The following SLC5A8 variants were observed in gnomAD, a reference collection of about 807,000 sequenced individuals.
SLC5A8 encodes solute carrier family 5 member 8.
Under a neutral mutation model 71.9 loss-of-function variants are expected in SLC5A8, and 55 were observed. The ratio of observed to expected loss-of-function variants is 0.77; its 90% CI spans 0.62 to 0.96. The LOEUF is 0.96. SLC5A8 is among the 40% of genes least tolerant of loss of function. SLC5A8 has a pLI of 0.00. For missense variants in SLC5A8, 701 were observed against 745.3 expected (o/e 0.94, Z 0.69); for synonymous variants, 307 against 276.1 (o/e 1.11, Z -1.11).
chr12:101,155,644 GC>G lies in SLC5A8; in HGVS notation c.*1634del, dbSNP rs2051652633. The G allele has an allele frequency of 1.3e-5, 2 of 151,502 alleles. No homozygotes were observed. The highest frequency in any genetic ancestry group is 2.9e-5 in the Non-Finnish European group (2 of 67,904). The allele number at this position is 151,502 out of a possible 1,614,324, so 9.4% of individuals were successfully genotyped here. A position where few individuals can be genotyped will look rare whatever the true frequency, so the allele number is the denominator to read the frequency against. On this transcript the variant is annotated 3_prime_UTR_variant, in exon 15 of 15. Transcript: ENST00000536262. ...TGGGACTACAAGTATGTGGCAACAT[GC>G]CTAGCTAAGTTTTTTTTATTTTTAT...
At chr12:101,195,066 G>A (rs769199200) in intron 4 of SLC5A8, 29 bp downstream of exon 4, 1 of 1,611,946 alleles carries the variant, frequency 6.2e-7, no homozygotes, top group Non-Finnish European at 8.5e-7. Flanking sequence ...AGTGGGTAGA[G>A]TGAAAAGGGA....
rs2051660529 is a variant in SLC5A8 at position 101,156,245 on chromosome 12, A to T, written c.*1034T>A. The stretch of plus-strand genomic sequence containing the variant: ...GGCATATGTATCTTTAATTGATTGC[A>T]AATTAGTTGACATTCAAAAGTTCAA... On this transcript the variant is annotated 3_prime_UTR_variant, in exon 15 of 15. Coordinates refer to ENST00000536262, the MANE Select transcript of SLC5A8 (RefSeq NM_145913.5). 1 of 152,238 alleles carries T rather than the reference A, an allele frequency of 6.6e-6. No individual in the cohort carries two copies. The highest frequency in any genetic ancestry group is 1.5e-5 in the Non-Finnish European group (1 of 68,044). 9.4% of individuals were successfully genotyped at this position (152,238 alleles called of 1,614,324 possible). A position where few individuals can be genotyped will look rare whatever the true frequency, so the allele number is the denominator to read the frequency against.
intron 2 of SLC5A8, 33 bp from the exon 3 acceptor site, chr12:101,202,248 A>G: frequency 3.3e-6 from 5 of 1,501,520 alleles, no homozygotes; most frequent in Non-Finnish European, 4.5e-6. Context: ...AATGAATTAT[A>G]TGAATTATAA....
At chr12:101,164,054 A>G (rs1488446313) in intron 12 of SLC5A8, among the ~76,000 whole-genome samples, 1 of 152,252 alleles carries the variant, frequency 6.6e-6, no homozygotes, top group Non-Finnish European at 1.5e-5. Context: ...TGCAGGGTAG[A>G]CAAGGATTTC....
At chr12:101,205,020 T>G (rs565397536) in intron 1 of SLC5A8, among the ~76,000 whole-genome samples, 1 of 152,346 alleles carries the variant, frequency 6.6e-6, no homozygotes, top group East Asian at 1.9e-4. Context: ...TTTTCTTGGC[T>G]CACCTGGGGC....
rs1324279054 is a variant in SLC5A8 at position 101,156,123 on chromosome 12, A to T, written c.*1156T>A. 1 of 152,148 alleles carries T rather than the reference A, an allele frequency of 6.6e-6. No homozygotes were observed. Among genetic ancestry groups the T allele is most frequent in the Non-Finnish European group, 1.5e-5 (1 of 68,022 alleles). 9.4% of individuals were successfully genotyped at this position (152,148 alleles called of 1,614,324 possible). A position where few individuals can be genotyped will look rare whatever the true frequency, so the allele number is the denominator to read the frequency against. On this transcript the variant is annotated 3_prime_UTR_variant, in exon 15 of 15. Coordinates refer to ENST00000536262, the MANE Select transcript of SLC5A8 (RefSeq NM_145913.5). ...TTAAAAATTTTAAAACATGGAACAA[A>T]GCATTTTTTGAGTCCAGACGTTTTA...
chr12:101,209,792 C>A lies in SLC5A8; in HGVS notation c.57G>T (p.Ala19=). Reference sequence around the variant, plus strand: ...TGGCGGCCGAGATGACCAGCATGCCCGCGAACACCACGTAGTCCCACACCA... The same window carrying A: ...TGGCGGCCGAGATGACCAGCATGCCAGCGAACACCACGTAGTCCCACACCA... ...TFVVWDYVVF[A]GMLVISAAIG... Residue 19 remains alanine, a synonymous_variant, in exon 1 of 15, where the codon GCG becomes GCT. Transcript: ENST00000536262. 1 of 1,605,678 alleles carries A rather than the reference C, an allele frequency of 6.2e-7. No homozygotes were observed. Among genetic ancestry groups the A allele is most frequent in the Non-Finnish European group, 8.5e-7 (1 of 1,175,716 alleles).
At position 101,209,738 on chromosome 12, in the gene SLC5A8, G is replaced by T. The variant is rs141426258; in HGVS notation, c.111C>A (p.Gly37=). 332 of 1,612,532 alleles carry T rather than the reference G, an allele frequency of 2.1e-4. No individual in the cohort carries two copies. In the African/African-American group the frequency reaches 3.4e-3, roughly 17 times the overall value. Residue 37 remains glycine (G), a synonymous_variant, in exon 1 of 15, where the codon GGC becomes GGA. Transcript: ENST00000536262. Reference sequence around the variant, plus strand: ...GGAAGTCCTTGGAGGTCTGCTGGCCGCCCCCAGCGAAGGCGTAGTAGATGC... The same window carrying T: ...GGAAGTCCTTGGAGGTCTGCTGGCCTCCCCCAGCGAAGGCGTAGTAGATGC... ...AIGIYYAFAG[G]GQQTSKDFLM...
At chr12:101,169,073 T>C (rs1593364828) in intron 10 of SLC5A8, among the ~76,000 whole-genome samples, 1 of 152,148 alleles carries the variant, frequency 6.6e-6, no homozygotes, top group African/African-American at 2.4e-5. Flanking sequence ...GGAGAACTAG[T>C]GTTTAAAAGG....
chr12:101,168,265 C>T (rs1419739013), intron 10 of SLC5A8, 83 bp from the exon 11 acceptor site: 10 of 1,306,530 alleles, frequency 7.7e-6, no homozygotes, highest in African/African-American at 3.0e-5. Context: ...AGGATAATGA[C>T]TTAAAGTATT....
chr12:101,182,759 T>C, intron 9 of SLC5A8, 44 bp downstream of exon 9: 2 of 1,408,908 alleles, frequency 1.4e-6, no homozygotes, highest in Non-Finnish European at 2.0e-6. Context: ...TCTCAAAAAA[T>C]CATCTCTCTG....
At chr12:101,202,261 T>C (rs371509538) in intron 2 of SLC5A8, 46 bp from the exon 3 acceptor site, 894 of 1,460,210 alleles carry the variant, frequency 6.1e-4, no homozygotes, top group Admixed American at 7.8e-4. Context: ...AATTATAAAA[T>C]TCATGAATTA....
intron 1 of SLC5A8, 112 bp downstream of exon 1, chr12:101,209,386 G>A: frequency 1.3e-6 from 1 of 756,624 alleles, no homozygotes. Flanking sequence ...CGATGGACGG[G>A]GAGAGATTTC....
At chr12:101,195,023 TACA>T in intron 4 of SLC5A8, 69 bp downstream of exon 4, 1 of 1,483,280 alleles carries the variant, frequency 6.7e-7, no homozygotes, top group Non-Finnish European at 9.4e-7. Context: ...GATTGCGGTA[TACA>T]ACAACTGGAA....
At chr12:101,193,433 A>C (rs1255587473) in intron 5 of SLC5A8, among the ~76,000 whole-genome samples, 192 bp downstream of exon 5, 4 of 152,234 alleles carry the variant, frequency 2.6e-5, no homozygotes, top group Non-Finnish European at 5.9e-5. Context: ...GCTAAGTACC[A>C]TCTGACAGGT....
At chr12:101,193,475 T>TA (rs1403849146) in intron 5 of SLC5A8, 150 bp downstream of exon 5, 12 of 822,440 alleles carry the variant, frequency 1.5e-5, no homozygotes, top group Non-Finnish European at 2.2e-5. Flanking sequence ...GGAGGCTCCT[T>TA]ACGTATTTAC....
In SLC5A8 at chr12:101,179,661, C is replaced by T. The variant is rs188655670; in HGVS notation, c.1233+368G>A. On this transcript the variant is annotated intron_variant, in intron 10 of 14. Transcript: ENST00000536262. ...AGGGGCAGAAGGGAAGTGGTTGTGGCTACAAATGGGCAACAGCAAGGATTC... is the reference window on the plus strand; with the variant it reads ...AGGGGCAGAAGGGAAGTGGTTGTGGTTACAAATGGGCAACAGCAAGGATTC... 6.4e-4 allele frequency among the ~76,000 whole-genome samples: 97 copies of T among 152,240 alleles called. 1 individual carries two copies. The highest frequency in any genetic ancestry group is 3.4e-3 in the Middle Eastern group (1 of 294).
intron 10 of SLC5A8, among the ~76,000 whole-genome samples, chr12:101,175,383 G>A (rs2051870190): frequency 6.6e-6 from 1 of 151,952 alleles, no homozygotes; most frequent in Non-Finnish European, 1.5e-5. Flanking sequence ...AAGAAGATGG[G>A]GTGGAAAAGT....
At position 101,162,562 on chromosome 12, in the gene SLC5A8, A is replaced by G. The variant is rs148369212; in HGVS notation, c.1527-485T>C. ...ATACACCATGGAATACCATGCAGCC[A>G]TGAAAAAAGAACAAAATCATGTCCT... On this transcript the variant is annotated intron_variant, in intron 12 of 14. Transcript: ENST00000536262. Among the ~76,000 whole-genome samples, 1,385 of 152,358 alleles carry G rather than the reference A, an allele frequency of 9.1e-3. 24 individuals are homozygous for G. Among genetic ancestry groups the G allele is most frequent in the East Asian group, 0.05 (261 of 5,190 alleles).
Sources: gnomAD v4.1 joint callset for allele counts (sites outside exome capture counted in the v4.1 genomes callset) on GRCh38, gnomAD v4.1.1 for gene constraint, MANE v1.5 for transcripts, NCBI Gene and HGNC (gene_info 2026-07-23, HGNC 2026-07-21) for gene names.